Variants in FRMPD3 observed in about 807,000 individuals in gnomAD.
The protein encoded by FRMPD3 is FERM and PDZ domain containing 3, also known as FERM and PDZ domain-containing protein 3.
Under a neutral mutation model 97.9 loss-of-function variants are expected in FRMPD3, and 42 were observed. The ratio of observed to expected loss-of-function variants is 0.43; its 90% CI spans 0.34 to 0.55. The LOEUF (loss-of-function observed/expected upper bound fraction) is 0.55, where lower values mean the gene tolerates loss of function less well. FRMPD3 is among the 20% of genes least tolerant of loss of function. FRMPD3 has a pLI of 0.03. For synonymous variants in FRMPD3, 577 were observed against 581.1 expected (o/e 0.99, Z 0.10); for missense variants, 1,303 against 1,457.7 (o/e 0.89, Z 1.73).
Position 107,603,480 on chromosome X carries a change from G to GACCC in FRMPD3, c.*107_*108insACCC, listed in dbSNP as rs1282625327. The GACCC allele has an allele frequency of 9.2e-7, 1 of 1,090,306 alleles. No homozygotes were observed. Among genetic ancestry groups the GACCC allele is most frequent in the Non-Finnish European group, 1.2e-6 (1 of 837,329 alleles). 89.9% of individuals were successfully genotyped at this position (1,090,306 alleles called of 1,213,427 possible). On this transcript the variant is annotated 3_prime_UTR_variant, in exon 15 of 15. Transcript: ENST00000683843. ...TGTGTGTGTCTGCTGGGCCAGTCAG[G>GACCC]GTCCAAGAGCCCATCAGTCTCCGGG...
rs140776813 is a variant in FRMPD3, at chrX:107,469,568, T to G, written c.-8+19563T>G. Among the ~76,000 whole-genome samples, 327 of 112,319 alleles carry G rather than the reference T, an allele frequency of 2.9e-3. 1 individual carries two copies. The highest frequency in any genetic ancestry group is 5.0e-3 in the Non-Finnish European group (265 of 53,262). On this transcript the variant is annotated intron_variant, in intron 1 of 14. Transcript: ENST00000683843. ...TAGAAAGAAAGGGCTCTGATACCTCTTGGTAACCAGAATCCTTCCTTTTGC... is the reference window on the plus strand; with the variant it reads ...TAGAAAGAAAGGGCTCTGATACCTCGTGGTAACCAGAATCCTTCCTTTTGC...
chrX:107,495,136 C>T (rs1033017024), intron 1 of FRMPD3, among the ~76,000 whole-genome samples: 1 of 112,064 alleles, frequency 8.9e-6, no homozygotes, highest in Non-Finnish European at 1.9e-5. Context: ...CTTCACAGTC[C>T]TTGGTCTCCC....
chrX:107,484,676 G>T (rs751509133), intron 1 of FRMPD3, among the ~76,000 whole-genome samples: 28 of 112,178 alleles, frequency 2.5e-4, no homozygotes, highest in Non-Finnish European at 2.4e-4. Flanking sequence ...AGTAGTCCAG[G>T]TACTGGGTCT....
chrX:107,555,506 A>C (rs959734579), intron 8 of FRMPD3, among the ~76,000 whole-genome samples: 2 of 112,138 alleles, frequency 1.8e-5, no homozygotes, highest in African/African-American at 6.5e-5. Flanking sequence ...CTGGAGGCAG[A>C]ATTCAGTACT....
chrX:107,512,828 TC>T (rs1922202091), intron 1 of FRMPD3, among the ~76,000 whole-genome samples: 1 of 112,145 alleles, frequency 8.9e-6, no homozygotes, highest in Non-Finnish European at 1.9e-5. Context: ...AACGCAAGGA[TC>T]TCCCCACTAA....
chrX:107,598,628 C>T (rs147917022), intron 14 of FRMPD3, among the ~76,000 whole-genome samples: 1 of 112,330 alleles, frequency 8.9e-6, no homozygotes, highest in Non-Finnish European at 1.9e-5. Context: ...TCAGATGCAC[C>T]GAAGTCCTGG....
rs369564980 is a variant in FRMPD3, at chrX:107,598,190, A to C, written c.2263+48A>C. 4 of 1,057,473 alleles carry C rather than the reference A, an allele frequency of 3.8e-6. No individual in the cohort carries two copies. The Admixed American group carries it at 7.1e-5, about 19-fold the overall frequency. 87.1% of individuals were successfully genotyped at this position (1,057,473 alleles called of 1,213,427 possible). A position where few individuals can be genotyped will look rare whatever the true frequency, so the allele number is the denominator to read the frequency against. On this transcript the variant is annotated intron_variant, in intron 14 of 14. Transcript: ENST00000683843. The stretch of plus-strand genomic sequence containing the variant: ...TCTTTCCACCCCCTTCTCTTGTCCA[A>C]CAAGGGCCAGTAGGTAACATTGTGT...
intron 13 of FRMPD3, among the ~76,000 whole-genome samples, chrX:107,583,261 C>T (rs1923482404): frequency 1.8e-5 from 2 of 109,903 alleles, no homozygotes; most frequent in South Asian, 8.1e-4. Flanking sequence ...CCAACAGGCC[C>T]AGGTGTGTGT....
At chrX:107,528,546 G>A (rs770571167) in intron 2 of FRMPD3, among the ~76,000 whole-genome samples, 19 of 112,485 alleles carry the variant, frequency 1.7e-4, no homozygotes, top group Admixed American at 1.7e-3. Context: ...CCCTTGGATG[G>A]TATAATAACT....
intron 1 of FRMPD3, among the ~76,000 whole-genome samples, chrX:107,503,214 G>A (rs776081643): frequency 1.8e-5 from 2 of 112,329 alleles, no homozygotes; most frequent in African/African-American, 3.2e-5. Flanking sequence ...CATGTCCATA[G>A]TGCCAGCCCT....
chrX:107,500,696 G>A (rs1477979568), intron 1 of FRMPD3, among the ~76,000 whole-genome samples: 6 of 109,646 alleles, frequency 5.5e-5, no homozygotes, highest in African/African-American at 2.0e-4. Flanking sequence ...TCAGGAGGCT[G>A]AGGCAGGAGA....
chrX:107,506,715 C>T (rs1018980847), intron 1 of FRMPD3, among the ~76,000 whole-genome samples: 18 of 112,166 alleles, frequency 1.6e-4, no homozygotes, highest in Non-Finnish European at 2.4e-4. Flanking sequence ...TCCCGGGCGG[C>T]GGCCGGATTG....
chrX:107,512,699 G>C (rs1922197652), intron 1 of FRMPD3, among the ~76,000 whole-genome samples: 1 of 111,890 alleles, frequency 8.9e-6, no homozygotes, highest in African/African-American at 3.3e-5. Flanking sequence ...TGGAGGGTGG[G>C]GGCTGGGGTG....
At chrX:107,468,384 C>G (rs1382287716) in intron 1 of FRMPD3, among the ~76,000 whole-genome samples, 1 of 112,481 alleles carries the variant, frequency 8.9e-6, no homozygotes. Flanking sequence ...GTGCCAGGCT[C>G]TGTTCTAGAT....
chrX:107,598,463 G>T, intron 14 of FRMPD3, among the ~76,000 whole-genome samples: 1 of 111,971 alleles, frequency 8.9e-6, no homozygotes, highest in South Asian at 3.7e-4. Context: ...GAGAGATGTA[G>T]AAGACAGGTG....
intron 1 of FRMPD3, among the ~76,000 whole-genome samples, chrX:107,524,728 C>T (rs1287981177): frequency 1.8e-5 from 2 of 111,171 alleles, no homozygotes; most frequent in Non-Finnish European, 3.8e-5. Context: ...CGCGGTGGCT[C>T]ACGCCTGTAA....
At chrX:107,535,834 A>C (rs185460597) in intron 4 of FRMPD3, among the ~76,000 whole-genome samples, 133 of 110,830 alleles carry the variant, frequency 1.2e-3, no homozygotes, top group African/African-American at 4.1e-3. Context: ...TTACCATAAT[A>C]TTGTTATTAT....
At chrX:107,470,661 A>G (rs1289203118) in intron 1 of FRMPD3, among the ~76,000 whole-genome samples, 1 of 112,475 alleles carries the variant, frequency 8.9e-6, no homozygotes, top group African/African-American at 3.2e-5. Context: ...GGGAGGGGAT[A>G]CACAAGGGTG....
intron 1 of FRMPD3, among the ~76,000 whole-genome samples, chrX:107,487,177 C>T (rs1484711904): frequency 9.0e-6 from 1 of 111,029 alleles, no homozygotes; most frequent in East Asian, 2.8e-4. Context: ...TTGCTTGAAC[C>T]CTGGAGGTGG....
Sources: gnomAD v4.1 joint callset for allele counts (sites outside exome capture counted in the v4.1 genomes callset) on GRCh38, gnomAD v4.1.1 for gene constraint, MANE v1.5 for transcripts, NCBI Gene and HGNC (gene_info 2026-07-23, HGNC 2026-07-21) for gene names.